Variants in CHCHD7 observed in about 807,000 individuals in gnomAD.
The protein encoded by CHCHD7 is coiled-coil-helix-coiled-coil-helix domain containing 7.
In CHCHD7, 7 loss-of-function variants were observed where a neutral mutation model predicts 10.5. The observed-to-expected ratio is 0.67, with a 90% CI of 0.38 to 1.25. The LOEUF is 1.25. Among genes scored for constraint, CHCHD7 ranks in the 50% most tolerant of loss-of-function variants. The pLI, the probability that CHCHD7 is intolerant of heterozygous loss-of-function variation, is 0.02. For synonymous variants in CHCHD7, 40 were observed against 36.0 expected, an observed-to-expected ratio of 1.11 and a Z score of -0.40; for missense variants, 100 against 104.5, an observed-to-expected ratio of 0.96 and a Z score of 0.19.
rs934272173 is a variant in CHCHD7, at chr8:56,212,792, G to A, written c.-17+955G>A. 2.0e-5 allele frequency: 21 copies of A among 1,038,386 alleles called. No homozygotes were observed. The East Asian group carries it at 4.7e-4, about 23-fold the overall frequency. 64.3% of individuals were successfully genotyped at this position (1,038,386 alleles called of 1,614,324 possible). Reference sequence around the variant, plus strand: ...ACACGAGGAACTCATGCAAAGGAGGGGACTTTCGGAAATCCAAACTTAGAG... The same window carrying A: ...ACACGAGGAACTCATGCAAAGGAGGAGACTTTCGGAAATCCAAACTTAGAG... On this transcript the variant is annotated intron_variant, in intron 1 of 3. Coordinates refer to ENST00000355315, the MANE Select transcript of CHCHD7 (RefSeq NM_001011671.3).
At chr8:56,217,118 C>A (rs1813394618) in intron 3 of CHCHD7, among the ~76,000 whole-genome samples, 1 of 151,896 alleles carries the variant, frequency 6.6e-6, no homozygotes, top group Non-Finnish European at 1.5e-5. Context: ...TTAATGTATT[C>A]CTGTGGGAAT....
In CHCHD7 at chr8:56,217,663, A is replaced by G. The variant is rs1233158748; in HGVS notation, c.*228A>G. The stretch of plus-strand genomic sequence containing the variant: ...TGAGTTTGCATGACTTTCTGGAGGC[A>G]TGGAGTTAGGTAAGGCTACATGAGA... On this transcript the variant is annotated 3_prime_UTR_variant, in exon 4 of 4. Transcript: ENST00000355315. 10 of 413,348 alleles carry G rather than the reference A, an allele frequency of 2.4e-5. No homozygotes were observed. The highest frequency in any genetic ancestry group is 1.0e-4 in the African/African-American group (5 of 49,386). The allele number at this position is 413,348 out of a possible 1,614,324, so 25.6% of individuals were successfully genotyped here. A position where few individuals can be genotyped will look rare whatever the true frequency, so the allele number is the denominator to read the frequency against.
At chr8:56,216,751 A>G (rs1813373423) in intron 3 of CHCHD7, 1 of 703,038 alleles carries the variant, frequency 1.4e-6, no homozygotes, top group Admixed American at 2.0e-5. Flanking sequence ...CAGTTTTAAT[A>G]TAGGTGGGTC....
Position 56,217,875 on chromosome 8 carries a change from G to A in CHCHD7, c.*440G>A. 4.3e-6 allele frequency: 1 copy of A among 233,282 alleles called. No homozygotes were observed. Among genetic ancestry groups the A allele is most frequent in the Non-Finnish European group, 8.5e-6 (1 of 118,216 alleles). The allele number at this position is 233,282 out of a possible 1,614,324, so 14.5% of individuals were successfully genotyped here. On this transcript the variant is annotated 3_prime_UTR_variant, in exon 4 of 4. Transcript: ENST00000355315. Reference sequence around the variant, plus strand: ...TTGCTCCACCTAGAATCTCAGGTGGGTGGAGCAGTGGTGGGAGAAGACTGG... The same window carrying A: ...TTGCTCCACCTAGAATCTCAGGTGGATGGAGCAGTGGTGGGAGAAGACTGG...
chr8:56,217,122 T>A (rs1396826485), intron 3 of CHCHD7, among the ~76,000 whole-genome samples: 1 of 152,244 alleles, frequency 6.6e-6, no homozygotes. Flanking sequence ...TGTATTCCTG[T>A]GGGAATGAGT....
rs1813435246 is a variant in CHCHD7, at chr8:56,217,614, G to A, written c.*179G>A. 2.0e-6 allele frequency: 1 copy of A among 499,438 alleles called. No homozygotes were observed. Among genetic ancestry groups the A allele is most frequent in the African/African-American group, 1.9e-5 (1 of 51,290 alleles). 30.9% of individuals were successfully genotyped at this position (499,438 alleles called of 1,614,324 possible). A position where few individuals can be genotyped will look rare whatever the true frequency, so the allele number is the denominator to read the frequency against. ...GCTCTCAGTGCCATGCCGATGGTAT[G>A]TTGCTGTTGGCTGTGTTGTGGCATG... On this transcript the variant is annotated 3_prime_UTR_variant, in exon 4 of 4. Transcript: ENST00000355315.
intron 1 of CHCHD7, chr8:56,212,318 C>T (rs1813043542): frequency 6.5e-6 from 1 of 153,108 alleles, no homozygotes; most frequent in Admixed American, 6.5e-5. Context: ...TTGCCCCCTT[C>T]CACTTTGCAC....
chr8:56,214,982 A>T (rs1813256409), intron 2 of CHCHD7: 2 of 229,806 alleles, frequency 8.7e-6, no homozygotes, highest in Non-Finnish European at 1.8e-5. Context: ...GATATTTTTA[A>T]ACTGTCACTG....
intron 2 of CHCHD7, chr8:56,215,562 T>C (rs184518408): frequency 2.0e-5 from 3 of 152,314 alleles, no homozygotes; most frequent in East Asian, 1.9e-4. Flanking sequence ...AGGGATCTAA[T>C]AGCATTAGAT....
At position 56,218,643 on chromosome 8, in the gene CHCHD7, T is replaced by A. The variant is rs954816514; in HGVS notation, c.*1208T>A. The A allele has an allele frequency of 4.5e-5, 9 of 200,314 alleles. No homozygotes were observed. Among genetic ancestry groups the A allele is most frequent in the Non-Finnish European group, 9.2e-5 (9 of 97,300 alleles). 12.4% of individuals were successfully genotyped at this position (200,314 alleles called of 1,614,324 possible). On this transcript the variant is annotated 3_prime_UTR_variant, in exon 4 of 4. Transcript: ENST00000355315. ...AATTCTTTTGATTTGTATTGACTGC[T>A]ATAAAAATGATGGATTAAAATAGGA...
Position 56,216,503 on chromosome 8 carries a change from T to C in CHCHD7, c.125T>C (p.Leu42Ser). 1 of 1,614,134 alleles carries C rather than the reference T, an allele frequency of 6.2e-7. No individual in the cohort carries two copies. The highest frequency in any genetic ancestry group is 1.1e-5 in the South Asian group (1 of 91,086). ...AGGGAAAGGTGTTCCACTTACTTCT[T>C]GAGGTACAAAAACTGCCGGAGATTC... ...YDRERCSTYF[L>S]RYKNCRRFWN... The change falls in exon 3 of 4, where the codon TTG (leucine) becomes TCG (serine). Residue 42 changes from leucine (L) to serine (S), a missense_variant. Physicochemically the swap from Leu to Ser is moderately radical, Grantham distance 145. Coordinates refer to ENST00000355315, the MANE Select transcript of CHCHD7 (RefSeq NM_001011671.3).
chr8:56,212,741 A>C lies in CHCHD7; in HGVS notation c.-17+904A>C, dbSNP rs987626031. ...CAGCCCCGCTCCTCACTGTAAATTG[A>C]CATTTCCTCTTCAATTCCAGTTAAT... is the stretch of plus-strand genomic sequence containing the variant. On this transcript the variant is annotated intron_variant, in intron 1 of 3. Transcript: ENST00000355315. The C allele has an allele frequency of 9.7e-6, 7 of 718,676 alleles. No homozygotes were observed. In the African/African-American group the frequency reaches 1.2e-4, roughly 13 times the overall value. 44.5% of individuals were successfully genotyped at this position (718,676 alleles called of 1,614,324 possible).
In CHCHD7 at chr8:56,218,538, A is replaced by G. The variant is rs563634773; in HGVS notation, c.*1103A>G. 18 of 212,796 alleles carry G rather than the reference A, an allele frequency of 8.5e-5. No homozygotes were observed. Among genetic ancestry groups the G allele is most frequent in the Middle Eastern group, 3.0e-3 (2 of 666 alleles). 13.2% of individuals were successfully genotyped at this position (212,796 alleles called of 1,614,324 possible). A position where few individuals can be genotyped will look rare whatever the true frequency, so the allele number is the denominator to read the frequency against. On this transcript the variant is annotated 3_prime_UTR_variant, in exon 4 of 4. Transcript: ENST00000355315. The stretch of plus-strand genomic sequence containing the variant: ...CAATGAACTGTCTGTCTGAGTCTAA[A>G]ACCAAGCTCAGGTTTCTAAGCCACA...
intron 1 of CHCHD7, 78 bp from the exon 2 acceptor site, chr8:56,214,520 A>G: frequency 9.9e-7 from 1 of 1,012,086 alleles, no homozygotes; most frequent in Non-Finnish European, 1.5e-6. Flanking sequence ...AATTTCAGGT[A>G]CTTTTAGTGC....
At chr8:56,214,724 A>C in intron 2 of CHCHD7, 57 bp downstream of exon 2, 5 of 1,354,284 alleles carry the variant, frequency 3.7e-6, no homozygotes, top group Non-Finnish European at 5.3e-6. Context: ...AGGCTGCTCT[A>C]GTTTTGTGGG....
rs973890047 is a variant in CHCHD7 at position 56,214,970 on chromosome 8, A to G, written c.54+303A>G. 294 of 246,196 alleles carry G rather than the reference A, an allele frequency of 1.2e-3. 3 individuals are homozygous for G. The highest frequency in any genetic ancestry group is 2.5e-4 in the Non-Finnish European group (31 of 124,464). 15.3% of individuals were successfully genotyped at this position (246,196 alleles called of 1,614,324 possible). ...GTCCAAACATGGAAAACTGGAAGGT[A>G]TGATATTTTTAAACTGTCACTGACA... On this transcript the variant is annotated intron_variant, in intron 2 of 3. Transcript: ENST00000355315.
chr8:56,215,406 G>A (rs913147752), intron 2 of CHCHD7: 3 of 152,186 alleles, frequency 2.0e-5, no homozygotes, highest in Admixed American at 6.5e-5. Flanking sequence ...TGGGCACCAA[G>A]GACCGGTTTT....
chr8:56,213,339 C>T (rs1813136822), intron 1 of CHCHD7: 1 of 152,578 alleles, frequency 6.6e-6, no homozygotes, highest in South Asian at 2.1e-4. Context: ...AGGCTGGTCT[C>T]CTTTGGCCTG....
At chr8:56,216,226 T>C (rs1024757301) in intron 2 of CHCHD7, among the ~76,000 whole-genome samples, 1 of 152,216 alleles carries the variant, frequency 6.6e-6, no homozygotes, top group Admixed American at 6.5e-5. Flanking sequence ...CTGGCCCACA[T>C]TATAAAAAGG....
Sources: allele counts gnomAD v4.1 joint callset (sites outside exome capture counted in the v4.1 genomes callset), GRCh38; gene constraint gnomAD v4.1.1; transcripts MANE v1.5; gene names NCBI Gene and HGNC (gene_info 2026-07-23, HGNC 2026-07-21).